The following LPIN2 variants were observed in gnomAD, a reference collection of about 807,000 sequenced individuals.
LPIN2 encodes the protein phosphatidate phosphatase LPIN2.
Under a neutral mutation model 111.4 loss-of-function variants are expected in LPIN2, and 55 were observed. The ratio of observed to expected loss-of-function variants is 0.49; its 90% CI spans 0.40 to 0.62. The LOEUF is 0.62. LPIN2 is among the 20% of genes least tolerant of loss of function. The pLI, the probability that LPIN2 is intolerant of heterozygous loss-of-function variation, is 0.00. For missense variants in LPIN2, 992 were observed against 1,112.1 expected, an observed-to-expected ratio of 0.89 and a Z score of 1.54; for synonymous variants, 425 against 414.0, an observed-to-expected ratio of 1.03 and a Z score of -0.32.
rs746474511 is a variant in LPIN2, at chr18:2,925,178, TA to T, written c.1938+45del. On this transcript the variant is annotated intron_variant, in intron 14 of 19. Coordinates refer to ENST00000677752, the MANE Select transcript of LPIN2 (RefSeq NM_001375808.2). The surrounding 1 kb of genome is among the most constrained non-coding windows in gnomAD (Gnocchi z 4.1). The stretch of plus-strand genomic sequence containing the variant: ...GAGGATGTGCATCAAATTAAACCAT[TA>T]CTAAAATAAGTCCTACTGGACAACA... 1 of 1,611,166 alleles carries T rather than the reference TA, an allele frequency of 6.2e-7. No individual in the cohort carries two copies. Among genetic ancestry groups the T allele is most frequent in the Non-Finnish European group, 8.5e-7 (1 of 1,177,436 alleles).
intron 1 of LPIN2, among the ~76,000 whole-genome samples, chr18:2,990,404 C>G (rs1188332812): frequency 6.6e-6 from 1 of 152,114 alleles, no homozygotes; most frequent in Admixed American, 6.6e-5. Context: ...GGGAGTTTAA[C>G]TCTAGAATAT....
At chr18:2,982,666 A>T (rs1179175258) in intron 1 of LPIN2, 8 of 1,290,700 alleles carry the variant, frequency 6.2e-6, no homozygotes, top group South Asian at 1.2e-5. Flanking sequence ...GATGTAACTC[A>T]CCAAGATACC....
intron 3 of LPIN2, among the ~76,000 whole-genome samples, chr18:2,952,495 T>C (rs2077551446): frequency 1.3e-5 from 2 of 152,312 alleles, no homozygotes; most frequent in South Asian, 4.1e-4. Flanking sequence ...GTTCTGAAAA[T>C]GTATAGGTTT....
chr18:3,006,633 C>G (rs1477676429), intron 1 of LPIN2, among the ~76,000 whole-genome samples: 2 of 152,092 alleles, frequency 1.3e-5, no homozygotes, highest in Non-Finnish European at 2.9e-5. Flanking sequence ...ATCAGGAGAT[C>G]GAGACCACCC....
intron 2 of LPIN2, among the ~76,000 whole-genome samples, chr18:2,957,296 C>A (rs1181528563): frequency 6.6e-6 from 1 of 152,140 alleles, no homozygotes; most frequent in African/African-American, 2.4e-5. Flanking sequence ...AATCTGAAAT[C>A]TAAAAATGCT....
intron 18 of LPIN2, chr18:2,921,222 C>G: frequency 5.5e-6 from 3 of 550,138 alleles, no homozygotes; most frequent in Non-Finnish European, 9.7e-6. Context: ...GACCCTGGCT[C>G]TGGGGTGATC....
At chr18:2,989,699 A>C (rs3016724) in intron 1 of LPIN2, among the ~76,000 whole-genome samples, 2 of 152,004 alleles carry the variant, frequency 1.3e-5, no homozygotes, top group African/African-American at 4.8e-5. Context: ...TGCGGGCAGA[A>C]CACTTGAGGT....
chr18:3,012,681 G>A (rs2078627307), intron 1 of LPIN2, among the ~76,000 whole-genome samples: 1 of 152,114 alleles, frequency 6.6e-6, no homozygotes, highest in Admixed American at 6.5e-5. Context: ...CCTCCCGCGC[G>A]CCTTCCGCAC....
chr18:2,949,799 A>T lies in LPIN2; in HGVS notation c.590+1256T>A, dbSNP rs947505768. 7.2e-5 allele frequency among the ~76,000 whole-genome samples: 11 copies of T among 152,380 alleles called. 1 individual carries two copies. The highest frequency in any genetic ancestry group is 7.2e-4 in the Admixed American group (11 of 15,310). ...AGTATAATTATAATATACTAATACT[A>T]CATTAATTAACACTTTTTGCTGGGC... On this transcript the variant is annotated intron_variant, in intron 4 of 19. Transcript: ENST00000677752.
chr18:2,945,604 C>T (rs1392543127), intron 4 of LPIN2: 5 of 1,532,324 alleles, frequency 3.3e-6, no homozygotes, highest in Non-Finnish European at 4.5e-6. Flanking sequence ...CAGTTCAAGG[C>T]TTGCCCACTG....
chr18:3,001,478 T>C (rs1457225627), intron 1 of LPIN2, among the ~76,000 whole-genome samples: 1 of 152,020 alleles, frequency 6.6e-6, no homozygotes, highest in African/African-American at 2.4e-5. Context: ...GCCATGAAAA[T>C]ATAAACAATG....
At chr18:3,005,732 CG>C (rs1255753820) in intron 1 of LPIN2, among the ~76,000 whole-genome samples, 4 of 151,020 alleles carry the variant, frequency 2.6e-5, no homozygotes, top group Admixed American at 2.0e-4. Context: ...ACCTAATAAA[CG>C]TAACAACAAC....
In LPIN2 at chr18:2,946,016, A is replaced by G. The variant is rs2077446295; in HGVS notation, c.590+5039T>C. 5 of 1,386,688 alleles carry G rather than the reference A, an allele frequency of 3.6e-6. No homozygotes were observed. In the South Asian group the frequency reaches 5.8e-5, roughly 16 times the overall value. 85.9% of individuals were successfully genotyped at this position (1,386,688 alleles called of 1,614,324 possible). A position where few individuals can be genotyped will look rare whatever the true frequency, so the allele number is the denominator to read the frequency against. ...ATAGGTACTCCAGAATGATATACAC[A>G]GACTTCTTCTAGACTCTCTAGACCC... is the stretch of plus-strand genomic sequence containing the variant. On this transcript the variant is annotated intron_variant, in intron 4 of 19. Transcript: ENST00000677752.
intron 1 of LPIN2, among the ~76,000 whole-genome samples, chr18:2,997,554 A>G (rs1009570180): frequency 2.0e-5 from 3 of 152,218 alleles, no homozygotes; most frequent in African/African-American, 7.2e-5. Context: ...GTGTGCCACA[A>G]TGAAACCAAG....
rs1179106649 is a variant in LPIN2 at position 2,996,467 on chromosome 18, CTTTTTTTTT to C, written c.-10+16611_-10+16619del. On this transcript the variant is annotated intron_variant, in intron 1 of 19. Transcript: ENST00000677752. ...ACATGCTTACCTCCCAGGAAAATAT[CTTTTTTTTT>C]TTTTTTTTTTTTTTTTTTTGAGACA... Among the ~76,000 whole-genome samples the C allele has an allele frequency of 3.6e-3, 303 of 84,984 alleles. 3 individuals carry two copies. Among genetic ancestry groups the C allele is most frequent in the African/African-American group, 6.6e-3 (146 of 22,188 alleles). 55.8% of individuals were successfully genotyped at this position (84,984 alleles called of 152,430 possible).
Position 2,922,136 on chromosome 18 carries a change from G to A in LPIN2, c.2238C>T (p.Gly746=). 6.2e-7 allele frequency: 1 copy of A among 1,614,086 alleles called. No homozygotes were observed. Among genetic ancestry groups the A allele is most frequent in the Non-Finnish European group, 8.5e-7 (1 of 1,180,022 alleles). The change falls in exon 17 of 20, where the codon GGC becomes GGT. Residue 746 remains glycine, a synonymous_variant. Coordinates refer to ENST00000677752, the MANE Select transcript of LPIN2 (RefSeq NM_001375808.2). ...CCTTGTCATTGACCCAGTGCAGGTAGCCACGGGTCATGTCGGCCATGCCGA... is the reference window on the plus strand; with the variant it reads ...CCTTGTCATTGACCCAGTGCAGGTAACCACGGGTCATGTCGGCCATGCCGA... The part of the protein sequence containing the change: ...RAIGMADMTR[G]YLHWVNDKGT...
intron 8 of LPIN2, among the ~76,000 whole-genome samples, chr18:2,932,478 C>T (rs1366887230): frequency 1.3e-5 from 2 of 152,120 alleles, no homozygotes; most frequent in Non-Finnish European, 2.9e-5. Context: ...GATATTTTTT[C>T]CTCTTAATAG....
chr18:2,929,209 T>C (rs2077179598), intron 9 of LPIN2, 51 bp from the exon 10 acceptor site: 1 of 1,130,070 alleles, frequency 8.8e-7, no homozygotes. Context: ...TAAATCCCTA[T>C]ATGAGATTAT....
At chr18:2,999,021 T>C (rs1434907567) in intron 1 of LPIN2, among the ~76,000 whole-genome samples, 1 of 152,232 alleles carries the variant, frequency 6.6e-6, no homozygotes, top group Non-Finnish European at 1.5e-5. Context: ...AGAGTTTCTT[T>C]CTGATCATTA....
Sources: allele counts gnomAD v4.1 joint callset (sites outside exome capture counted in the v4.1 genomes callset), GRCh38; gene constraint gnomAD v4.1.1; non-coding constraint Gnocchi (gnomAD v3.1); transcripts MANE v1.5; gene names NCBI Gene and HGNC (gene_info 2026-07-23, HGNC 2026-07-21).